Variants in ANKUB1 observed in about 807,000 individuals in gnomAD.
ANKUB1 encodes the protein ankyrin repeat and ubiquitin domain containing 1, also known as protein ANKUB1.
ANKUB1 carries 42 observed loss-of-function variants against 49.3 expected under a neutral mutation model. The observed-to-expected ratio is 0.85, with a 90% CI of 0.67 to 1.10. The LOEUF (loss-of-function observed/expected upper bound fraction) is 1.10. ANKUB1 is among the 50% of genes least tolerant of loss of function. The probability of loss-of-function intolerance (pLI) is 0.00; values close to 1 mark genes in which losing one functional copy is unlikely to be tolerated. For synonymous variants in ANKUB1, 222 were observed against 231.0 expected (o/e 0.96, Z 0.35); for missense variants, 613 against 642.0 (o/e 0.95, Z 0.49).
At chr3:149,790,413 C>G (rs1456508591) in intron 2 of ANKUB1, among the ~76,000 whole-genome samples, 2 of 152,152 alleles carry the variant, frequency 1.3e-5, no homozygotes, top group Non-Finnish European at 2.9e-5. Context: ...CTTCCTCATT[C>G]CACTGCCAGT....
intron 2 of ANKUB1, 62 bp from the exon 3 acceptor site, chr3:149,780,517 C>A: frequency 7.6e-7 from 1 of 1,312,940 alleles, no homozygotes; most frequent in South Asian, 1.3e-5. Context: ...CCAAGCATTT[C>A]AGAGGGTAGC....
rs569790483 is a variant in ANKUB1, at chr3:149,766,155, A to G, written c.1505+1002T>C. On this transcript the variant is annotated intron_variant, in intron 5 of 5. Transcript: ENST00000446160. ...CTGAGCTCTAATCAGAGAGTTGTGT[A>G]CCTTAAACATCTAATTCCGATACAC... is the stretch of plus-strand genomic sequence containing the variant. 7.9e-5 allele frequency among the ~76,000 whole-genome samples: 12 copies of G among 152,314 alleles called. No homozygotes were observed. The South Asian group carries it at 2.5e-3, about 32-fold the overall frequency.
At position 149,767,173 on chromosome 3, in the gene ANKUB1, A is replaced by G. The variant is rs16862234; in HGVS notation, c.1489T>C (p.Cys497Arg). 1.8e-3 allele frequency: 2,779 copies of G among 1,527,906 alleles called. 36 individuals carry two copies. The African/African-American group carries it at 0.034, about 19-fold the overall frequency. The allele number at this position is 1,527,906 out of a possible 1,614,324, so 94.6% of individuals were successfully genotyped here. ...GAACATTACCTTGCCACAGCTAAGC[A>G]GTAGATTGCGTTCTCCCATGGAGTC... ...GKTPWENAIY[C>R]LAVASAFKEK... The change falls in exon 5 of 6, where the codon TGC becomes CGC. Residue 497 changes from cysteine to arginine, a missense_variant. By Grantham distance (180) the Cys-to-Arg change is radical. Coordinates refer to ENST00000446160, the MANE Select transcript of ANKUB1 (RefSeq NM_001144960.3).
rs372347002 is a variant in ANKUB1, at chr3:149,762,607, A to G, written c.1506-994T>C. 7.8e-4 allele frequency among the ~76,000 whole-genome samples: 118 copies of G among 152,212 alleles called. 1 individual carries two copies. Among genetic ancestry groups the G allele is most frequent in the African/African-American group, 2.8e-3 (115 of 41,532 alleles). Reference sequence around the variant, plus strand: ...CTTTTTGCAGCTTCCTACCTTTACTATAGTCTTTCCACATCTTTCCAACGA... The same window carrying G: ...CTTTTTGCAGCTTCCTACCTTTACTGTAGTCTTTCCACATCTTTCCAACGA... On this transcript the variant is annotated intron_variant, in intron 5 of 5. Coordinates refer to ENST00000446160, the MANE Select transcript of ANKUB1 (RefSeq NM_001144960.3).
At chr3:149,771,651 AT>A (rs974466831) in intron 3 of ANKUB1, among the ~76,000 whole-genome samples, 79 of 151,534 alleles carry the variant, frequency 5.2e-4, no homozygotes, top group Admixed American at 1.2e-3. Context: ...TTGCTTGAAG[AT>A]TTTTTTTTCA....
At chr3:149,769,730 G>C (rs1717240171) in intron 4 of ANKUB1, among the ~76,000 whole-genome samples, 1 of 152,184 alleles carries the variant, frequency 6.6e-6, no homozygotes, top group Non-Finnish European at 1.5e-5. Context: ...ATGGGCACTG[G>C]AAGTTTGGTT....
At position 149,792,266 on chromosome 3, in the gene ANKUB1, G is replaced by A. The variant is rs1334371415; in HGVS notation, c.90+11C>T. 3.4e-6 allele frequency: 5 copies of A among 1,462,108 alleles called. No individual in the cohort carries two copies. The highest frequency in any genetic ancestry group is 2.6e-5 in the Admixed American group (1 of 38,950). The allele number at this position is 1,462,108 out of a possible 1,614,324, so 90.6% of individuals were successfully genotyped here. ...ATATACATTTTGGTGGTTTGGGAAC[G>A]AAGTACATACCTTTATCATCAGCTT... On this transcript the variant is annotated intron_variant, in intron 1 of 5. Coordinates refer to ENST00000446160, the MANE Select transcript of ANKUB1 (RefSeq NM_001144960.3).
At chr3:149,770,457 G>A (rs1453295932) in intron 4 of ANKUB1, 103 bp downstream of exon 4, 28 of 804,110 alleles carry the variant, frequency 3.5e-5, no homozygotes, top group Non-Finnish European at 4.9e-5. Context: ...GCATAGAGCA[G>A]CACCCCAGCT....
At position 149,767,605 on chromosome 3, in the gene ANKUB1, T is replaced by C. The variant is rs1484057781; in HGVS notation, c.1057A>G (p.Thr353Ala). 1.3e-6 allele frequency: 2 copies of C among 1,551,674 alleles called. No individual in the cohort carries two copies. The highest frequency in any genetic ancestry group is 2.0e-5 in the Admixed American group (1 of 50,990). Reference protein sequence around the residue: ...VGDTVMVDGFTKPKMTSKSWH... With the variant: ...VGDTVMVDGFAKPKMTSKSWH... ...CTCTTGGAGGTCATTTTTGGTTTGG[T>C]GAAACCATCCACCATCACAGTGTCT... The change falls in exon 5 of 6, where the codon ACC (threonine) becomes GCC (alanine). Residue 353 changes from threonine to alanine, a missense_variant. Physicochemically the swap from Thr to Ala is moderately conservative, Grantham distance 58 (BLOSUM62 0). Coordinates refer to ENST00000446160, the MANE Select transcript of ANKUB1 (RefSeq NM_001144960.3).
chr3:149,779,299 A>C (rs1717743937), intron 3 of ANKUB1: 2 of 151,324 alleles, frequency 1.3e-5, no homozygotes, highest in Non-Finnish European at 1.5e-5. Flanking sequence ...TCAGCCTCCC[A>C]AGCAGCTGGG....
chr3:149,766,637 A>G, intron 5 of ANKUB1: 1 of 494,130 alleles, frequency 2.0e-6, no homozygotes, highest in South Asian at 2.3e-5. Flanking sequence ...TCATCTCTAC[A>G]GAAAAAAAAA....
At chr3:149,766,745 C>G in intron 5 of ANKUB1, 2 of 833,178 alleles carry the variant, frequency 2.4e-6, no homozygotes, top group South Asian at 3.0e-5. Flanking sequence ...ATGCAATGAG[C>G]TGTGATAGCA....
rs557575028 is a variant in ANKUB1 at position 149,787,853 on chromosome 3, G to A, written c.234+2928C>T. On this transcript the variant is annotated intron_variant, in intron 2 of 5. Transcript: ENST00000446160. ...CACACAAAAATATGAGCACAATAAAGAAGCCAACTATTTTGGATTTATTTC... is the reference window on the plus strand; with the variant it reads ...CACACAAAAATATGAGCACAATAAAAAAGCCAACTATTTTGGATTTATTTC... Among the ~76,000 whole-genome samples, 70 of 152,228 alleles carry A rather than the reference G, an allele frequency of 4.6e-4. 1 individual carries two copies. In the South Asian group the frequency reaches 0.013, roughly 29 times the overall value.
chr3:149,786,570 A>G (rs1718109742), intron 2 of ANKUB1, among the ~76,000 whole-genome samples: 2 of 152,162 alleles, frequency 1.3e-5, no homozygotes, highest in African/African-American at 4.8e-5. Flanking sequence ...TGCTGTGCAG[A>G]AACTCTTTGG....
intron 3 of ANKUB1, among the ~76,000 whole-genome samples, chr3:149,771,400 C>G (rs1576671972): frequency 1.3e-5 from 2 of 152,218 alleles, no homozygotes; most frequent in East Asian, 3.8e-4. Flanking sequence ...CCACCTTGAC[C>G]TTTCACCTGT....
chr3:149,783,051 T>C (rs949229798), intron 2 of ANKUB1: 1 of 152,186 alleles, frequency 6.6e-6, no homozygotes, highest in Non-Finnish European at 1.5e-5. Flanking sequence ...ATCTGGATAA[T>C]AGTTCTCATT....
chr3:149,761,404 C>G lies in ANKUB1; in HGVS notation c.*80G>C, dbSNP rs1185950567. 2.1e-6 allele frequency: 3 copies of G among 1,447,702 alleles called. No individual in the cohort carries two copies. In the Admixed American group the frequency reaches 6.3e-5, roughly 31 times the overall value. The allele number at this position is 1,447,702 out of a possible 1,614,324, so 89.7% of individuals were successfully genotyped here. On this transcript the variant is annotated 3_prime_UTR_variant, in exon 6 of 6. Transcript: ENST00000446160. ...GTTACTAGAGATGATAACATTAGAA[C>G]TGTTATTAGAAATGTTAACATTAGA...
intron 3 of ANKUB1, chr3:149,779,052 A>T (rs1264607263): frequency 2.0e-5 from 3 of 152,206 alleles, no homozygotes; most frequent in Non-Finnish European, 4.4e-5. Context: ...ATCGTCAGGT[A>T]GGGGCCATGT....
Position 149,767,726 on chromosome 3 carries a change from A to G in ANKUB1, c.936T>C (p.Ile312=), listed in dbSNP as rs1171957109. 1.9e-6 allele frequency: 3 copies of G among 1,551,472 alleles called. No individual in the cohort carries two copies. The highest frequency in any genetic ancestry group is 2.6e-6 in the Non-Finnish European group (3 of 1,146,974). Residue 312 remains isoleucine, a synonymous_variant, in exon 5 of 6, where the codon ATT becomes ATC. Transcript: ENST00000446160. Reference sequence around the variant, plus strand: ...GGATCCATTGTTTTATTTTAATATAAATCCTCATTGGGACTGAAATTTTTG... The same window carrying G: ...GGATCCATTGTTTTATTTTAATATAGATCCTCATTGGGACTGAAATTTTTG... ...SFPKISVPMR[I]YIKIKQWILR... is the part of the protein sequence containing the mutation.
Sources: allele counts gnomAD v4.1 joint callset (sites outside exome capture counted in the v4.1 genomes callset), GRCh38; gene constraint gnomAD v4.1.1; transcripts MANE v1.5; gene names NCBI Gene and HGNC (gene_info 2026-07-23, HGNC 2026-07-21).